PLEKHB1: variants seen among roughly 807,000 people sequenced by gnomAD.
PLEKHB1 encodes the protein pleckstrin homology domain containing B1, also known as pleckstrin homology domain-containing family B member 1.
A neutral mutation model predicts 36.2 loss-of-function variants in PLEKHB1; 29 were observed. That is an observed-to-expected ratio of 0.80 (90% CI 0.60 to 1.09). The LOEUF (loss-of-function observed/expected upper bound fraction) is 1.09, where lower values mean the gene tolerates loss of function less well. Among genes scored for constraint, PLEKHB1 ranks in the 50% least tolerant of loss-of-function variants. The pLI is 0.00. For synonymous variants in PLEKHB1, 138 were observed against 140.0 expected, an observed-to-expected ratio of 0.99 and a Z score of 0.10; for missense variants, 330 against 348.2, an observed-to-expected ratio of 0.95 and a Z score of 0.42.
intron 4 of PLEKHB1, 112 bp from the exon 5 acceptor site, chr11:73,652,862 TC>T: frequency 1.1e-6 from 1 of 876,668 alleles, no homozygotes; most frequent in African/African-American, 1.7e-5. Context: ...ATCTCTCCTT[TC>T]ATGAGAGACT....
At chr11:73,659,408 A>G (rs1034898284) in intron 6 of PLEKHB1, among the ~76,000 whole-genome samples, 2 of 152,084 alleles carry the variant, frequency 1.3e-5, no homozygotes, top group Non-Finnish European at 2.9e-5. Flanking sequence ...AAAGATCCAG[A>G]AGAGAAGGGG....
At chr11:73,652,147 T>C in intron 4 of PLEKHB1, 1 of 512,166 alleles carries the variant, frequency 2.0e-6, no homozygotes, top group Non-Finnish European at 3.5e-6. Flanking sequence ...CTCAGGTATC[T>C]GGTTCCTGGT....
intron 1 of PLEKHB1, chr11:73,648,598 T>C: frequency 2.0e-6 from 2 of 991,144 alleles, no homozygotes; most frequent in Non-Finnish European, 2.4e-6. Context: ...TCTAATACTT[T>C]AAGAGTCTCA....
chr11:73,651,018 G>A (rs1430570396), intron 3 of PLEKHB1, among the ~76,000 whole-genome samples: 1 of 150,814 alleles, frequency 6.6e-6, no homozygotes, highest in Admixed American at 6.6e-5. Flanking sequence ...AAAAATTGGT[G>A]AGATGCGGTC....
Position 73,661,336 on chromosome 11 carries a change from T to C in PLEKHB1, c.596-130T>C, listed in dbSNP as rs1213195642. ...GCTCTTCCCGCGTCTAGATCTGTTC[T>C]TTGACTGGGGAGCAGGAGAGTGGGT... is the stretch of plus-strand genomic sequence containing the variant. On this transcript the variant is annotated intron_variant, in intron 7 of 7. Coordinates refer to ENST00000354190, the MANE Select transcript of PLEKHB1 (RefSeq NM_021200.3). The surrounding 1 kb of genome is among the most constrained non-coding windows in gnomAD (Gnocchi z 4.6). 9 of 1,056,810 alleles carry C rather than the reference T, an allele frequency of 8.5e-6. No individual in the cohort carries two copies. Among genetic ancestry groups the C allele is most frequent in the Non-Finnish European group, 1.2e-5 (9 of 721,240 alleles). 65.5% of individuals were successfully genotyped at this position (1,056,810 alleles called of 1,614,324 possible).
At chr11:73,649,161 T>G in intron 2 of PLEKHB1, 74 bp downstream of exon 2, 1 of 1,518,386 alleles carries the variant, frequency 6.6e-7, no homozygotes, top group South Asian at 1.2e-5. Flanking sequence ...CGGGGAACAC[T>G]TCTCTCAAGA....
rs1264118539 is a variant in PLEKHB1, at chr11:73,661,022, G to C, written c.595+170G>C. 5 of 673,350 alleles carry C rather than the reference G, an allele frequency of 7.4e-6. No individual in the cohort carries two copies. The highest frequency in any genetic ancestry group is 2.5e-6 in the Non-Finnish European group (1 of 393,952). The allele number at this position is 673,350 out of a possible 1,614,324, so 41.7% of individuals were successfully genotyped here. On this transcript the variant is annotated intron_variant, in intron 7 of 7. Transcript: ENST00000354190. This position sits in a 1 kb window ranked among gnomAD's most constrained non-coding sequence, Gnocchi z 4.6. ...TCCATCCTGAGACTGGGAGAGCTCT[G>C]GAACCAGCGTTCGTCTCGAGCTGAC...
At position 73,660,537 on chromosome 11, in the gene PLEKHB1, C is replaced by G. The variant is rs1201782522; in HGVS notation, c.496-216C>G. 17 of 565,756 alleles carry G rather than the reference C, an allele frequency of 3.0e-5. No homozygotes were observed. The African/African-American group carries it at 3.0e-4, about 10-fold the overall frequency. 35.0% of individuals were successfully genotyped at this position (565,756 alleles called of 1,614,324 possible). On this transcript the variant is annotated intron_variant, in intron 6 of 7. Coordinates refer to ENST00000354190, the MANE Select transcript of PLEKHB1 (RefSeq NM_021200.3). ...GGCCAGAGTTGGAGAATGGGTGTCA[C>G]TGGGAGCTGGATGTAGGGCAGAAGT... is the stretch of plus-strand genomic sequence containing the variant.
At position 73,661,460 on chromosome 11, in the gene PLEKHB1, C is replaced by G; in HGVS notation, c.596-6C>G. On this transcript the variant is annotated splice_region_variant and splice_polypyrimidine_tract_variant and intron_variant, in intron 7 of 7. Transcript: ENST00000354190. This position sits in a 1 kb window ranked among gnomAD's most constrained non-coding sequence, Gnocchi z 4.6. Reference sequence around the variant, plus strand: ...GCTGATCCTCATGGGCTGTCTCCCTCTGCAGGCCCTGGCGTGACGCACGTG... The same window carrying G: ...GCTGATCCTCATGGGCTGTCTCCCTGTGCAGGCCCTGGCGTGACGCACGTG... 6.2e-7 allele frequency: 1 copy of G among 1,613,790 alleles called. No homozygotes were observed. Among genetic ancestry groups the G allele is most frequent in the Non-Finnish European group, 8.5e-7 (1 of 1,179,718 alleles).
chr11:73,651,523 A>C, intron 3 of PLEKHB1: 1 of 630,144 alleles, frequency 1.6e-6, no homozygotes, highest in South Asian at 1.5e-5. Flanking sequence ...GAGTCACAGC[A>C]AATCTCCACA....
At chr11:73,652,516 C>T (rs752186439) in intron 4 of PLEKHB1, 23 of 162,142 alleles carry the variant, frequency 1.4e-4, no homozygotes, top group Non-Finnish European at 1.9e-4. Flanking sequence ...AGCACAGAGC[C>T]GCCTTGTCCA....
At chr11:73,652,788 G>C (rs1008583216) in intron 4 of PLEKHB1, 187 bp from the exon 5 acceptor site, 3 of 546,538 alleles carry the variant, frequency 5.5e-6, no homozygotes, top group Middle Eastern at 4.0e-4. Context: ...GCCTAACTTA[G>C]TGCTCCATCC....
intron 6 of PLEKHB1, among the ~76,000 whole-genome samples, chr11:73,657,338 AT>A (rs1565332855): frequency 6.6e-6 from 1 of 152,174 alleles, no homozygotes; most frequent in African/African-American, 2.4e-5. Context: ...GGTATTTTCC[AT>A]GCCCAAACTA....
chr11:73,652,999 G>A lies in PLEKHB1; in HGVS notation c.375G>A (p.Glu125=), dbSNP rs772090851. ...GAGCATGGAAGACAGCACTGCTGGA[G>A]GCAAACTCCACCCCGGTGAGTCTCC... is the stretch of plus-strand genomic sequence containing the variant. ...DALAWKTALL[E]ANSTPAPAGA... is the part of the protein sequence containing the mutation. Residue 125 remains glutamate, a synonymous_variant, in exon 5 of 8, where the codon GAG becomes GAA. Coordinates refer to ENST00000354190, the MANE Select transcript of PLEKHB1 (RefSeq NM_021200.3). The A allele has an allele frequency of 1.2e-6, 2 of 1,609,844 alleles. No homozygotes were observed. Among genetic ancestry groups the A allele is most frequent in the Non-Finnish European group, 1.7e-6 (2 of 1,177,138 alleles).
chr11:73,658,868 C>A (rs1355602581), intron 6 of PLEKHB1, among the ~76,000 whole-genome samples: 1 of 152,224 alleles, frequency 6.6e-6, no homozygotes, highest in South Asian at 2.1e-4. Flanking sequence ...CCTCCCGCCT[C>A]AGCCTCCCAA....
rs1445960102 is a variant in PLEKHB1, at chr11:73,661,718, G to T, written c.*116G>T. On this transcript the variant is annotated 3_prime_UTR_variant, in exon 8 of 8. Transcript: ENST00000354190. This position sits in a 1 kb window ranked among gnomAD's most constrained non-coding sequence, Gnocchi z 4.6. Reference sequence around the variant, plus strand: ...CACTTTGGCCCTATCCTCTCCATTAGCTCCTTCCGGGTTTGGACCATTCCC... The same window carrying T: ...CACTTTGGCCCTATCCTCTCCATTATCTCCTTCCGGGTTTGGACCATTCCC... 4 of 1,322,712 alleles carry T rather than the reference G, an allele frequency of 3.0e-6. No homozygotes were observed. The highest frequency in any genetic ancestry group is 3.1e-6 in the Non-Finnish European group (3 of 980,334). 81.9% of individuals were successfully genotyped at this position (1,322,712 alleles called of 1,614,324 possible).
rs1944873846 is a variant in PLEKHB1 at position 73,650,710 on chromosome 11, G to A, written c.247+5G>A. 2 of 1,596,564 alleles carry A rather than the reference G, an allele frequency of 1.3e-6. No individual in the cohort carries two copies. Among genetic ancestry groups the A allele is most frequent in the African/African-American group, 1.3e-5 (1 of 74,530 alleles). On this transcript the variant is annotated splice_donor_5th_base_variant and intron_variant, in intron 3 of 7. Coordinates refer to ENST00000354190, the MANE Select transcript of PLEKHB1 (RefSeq NM_021200.3). Reference sequence around the variant, plus strand: ...AGATCGGCCCAGAGTGCCATGGTGAGCAGAAGCCCCTTCCTCTGTGGCACC... The same window carrying A: ...AGATCGGCCCAGAGTGCCATGGTGAACAGAAGCCCCTTCCTCTGTGGCACC...
chr11:73,651,947 C>G (rs947419231), intron 4 of PLEKHB1, 57 bp downstream of exon 4: 84 of 1,491,002 alleles, frequency 5.6e-5, no homozygotes, highest in Non-Finnish European at 7.3e-5. Flanking sequence ...ACCATGTGCC[C>G]CCTTCTCATT....
chr11:73,656,171 G>A (rs112756192), intron 6 of PLEKHB1, among the ~76,000 whole-genome samples: 1,820 of 152,234 alleles, frequency 0.012, 36 homozygotes, highest in African/African-American at 0.042. Flanking sequence ...ATCCTGTAAG[G>A]CCCACCTCAA....
Sources: gnomAD v4.1 joint callset for allele counts (sites outside exome capture counted in the v4.1 genomes callset) on GRCh38, gnomAD v4.1.1 for gene constraint, Gnocchi (gnomAD v3.1) non-coding constraint, MANE v1.5 for transcripts, NCBI Gene and HGNC (gene_info 2026-07-23, HGNC 2026-07-21) for gene names.